The following PRIMPOL variants were observed in gnomAD, a reference collection of about 807,000 sequenced individuals.
PRIMPOL encodes DNA-directed primase/polymerase protein.
Under a neutral mutation model 63.6 loss-of-function variants are expected in PRIMPOL, and 54 were observed. The observed-to-expected ratio is 0.85, with a 90% CI of 0.68 to 1.07. The LOEUF (loss-of-function observed/expected upper bound fraction) is 1.07. PRIMPOL is among the 50% of genes least tolerant of loss of function. PRIMPOL has a pLI of 0.00. For synonymous variants in PRIMPOL, 197 were observed against 220.2 expected, an observed-to-expected ratio of 0.89 and a Z score of 0.93; for missense variants, 610 against 648.3, an observed-to-expected ratio of 0.94 and a Z score of 0.64.
At chr4:184,650,711 T>G (rs1412811518) in intron 1 of PRIMPOL, among the ~76,000 whole-genome samples, 1 of 152,200 alleles carries the variant, frequency 6.6e-6, no homozygotes, top group South Asian at 2.1e-4. Context: ...CCAACACATG[T>G]GAGCACGACA....
chr4:184,685,061 G>A (rs973415663), intron 9 of PRIMPOL, among the ~76,000 whole-genome samples: 3 of 152,100 alleles, frequency 2.0e-5, no homozygotes, highest in Admixed American at 1.3e-4. Context: ...GAGAATGCCC[G>A]GCTGAGGTAG....
chr4:184,678,990 AAAC>A lies in PRIMPOL; in HGVS notation c.1007+599_1007+601del, dbSNP rs201534473. Among the ~76,000 whole-genome samples the A allele has an allele frequency of 2.5e-3, 384 of 152,324 alleles. 9 individuals carry two copies. The South Asian group carries it at 0.041, about 16-fold the overall frequency. ...ATGATTATCACTTCTGTAAAGAAGA[AAAC>A]AATACTACTGGTATTGCATTTGGAA... On this transcript the variant is annotated intron_variant, in intron 8 of 13. Coordinates refer to ENST00000314970, the MANE Select transcript of PRIMPOL (RefSeq NM_152683.4).
chr4:184,674,702 A>T (rs893225608), intron 7 of PRIMPOL, among the ~76,000 whole-genome samples: 1 of 152,226 alleles, frequency 6.6e-6, no homozygotes, highest in Non-Finnish European at 1.5e-5. Flanking sequence ...TACGTATTAT[A>T]TACTGGATTC....
chr4:184,672,658 C>T (rs1433136002), intron 7 of PRIMPOL, among the ~76,000 whole-genome samples, 198 bp downstream of exon 7: 1 of 152,110 alleles, frequency 6.6e-6, no homozygotes, highest in African/African-American at 2.4e-5. Flanking sequence ...CCAGGCCGGC[C>T]TGAGCTCCAG....
intron 6 of PRIMPOL, among the ~76,000 whole-genome samples, chr4:184,669,342 T>C (rs1386550039): frequency 6.6e-6 from 1 of 152,238 alleles, no homozygotes; most frequent in Non-Finnish European, 1.5e-5. Context: ...GAGCTGTCTC[T>C]GACTCCAGCC....
intron 11 of PRIMPOL, among the ~76,000 whole-genome samples, chr4:184,687,089 G>A (rs1391997031): frequency 1.3e-5 from 2 of 151,552 alleles, no homozygotes; most frequent in Non-Finnish European, 2.9e-5. Context: ...TTTATTTTCT[G>A]AGATGGAATC....
At chr4:184,667,435 C>A (rs541791674) in intron 6 of PRIMPOL, among the ~76,000 whole-genome samples, 2 of 152,242 alleles carry the variant, frequency 1.3e-5, no homozygotes, top group Admixed American at 6.5e-5. Flanking sequence ...CTCAGCCTCC[C>A]GAGTAGCTGA....
intron 13 of PRIMPOL, among the ~76,000 whole-genome samples, chr4:184,693,300 G>T (rs78293992): frequency 0.038 from 5,709 of 152,202 alleles, 359 homozygotes; most frequent in African/African-American, 0.13. Context: ...AAGAGGAGGA[G>T]GATTGCATCG....
In PRIMPOL at chr4:184,678,389, T is replaced by C; in HGVS notation, c.1002T>C (p.Asn334=). 2 of 1,602,400 alleles carry C rather than the reference T, an allele frequency of 1.2e-6. No homozygotes were observed. The highest frequency in any genetic ancestry group is 1.1e-5 in the South Asian group (1 of 88,272). ...YQYFLSSLVS[N]VRFSDTLRIL... Reference sequence around the variant, plus strand: ...ATTTTCTCTCTTCTTTGGTCAGCAATGTCAGGTATGTAGTAGCAGCATCAA... The same window carrying C: ...ATTTTCTCTCTTCTTTGGTCAGCAACGTCAGGTATGTAGTAGCAGCATCAA... The change falls in exon 8 of 14, where the codon AAT becomes AAC. Residue 334 remains asparagine (N), a synonymous_variant. Coordinates refer to ENST00000314970, the MANE Select transcript of PRIMPOL (RefSeq NM_152683.4).
intron 8 of PRIMPOL, among the ~76,000 whole-genome samples, chr4:184,678,933 T>C (rs1333843435): frequency 2.6e-5 from 4 of 152,218 alleles, no homozygotes; most frequent in Non-Finnish European, 4.4e-5. Context: ...CTTTTTAGGA[T>C]TATATTTAGT....
At chr4:184,673,178 G>T (rs1387321624) in intron 7 of PRIMPOL, among the ~76,000 whole-genome samples, 4 of 148,586 alleles carry the variant, frequency 2.7e-5, no homozygotes, top group Non-Finnish European at 4.4e-5. Flanking sequence ...AGCCCAGGCC[G>T]GACTGCAGTG....
chr4:184,665,770 G>A, intron 5 of PRIMPOL, 147 bp from the exon 6 acceptor site: 1 of 458,652 alleles, frequency 2.2e-6, no homozygotes, highest in African/African-American at 2.0e-5. Context: ...CTCCCAAAGT[G>A]CTGGGATTAC....
At chr4:184,651,456 A>T (rs1193177637) in intron 1 of PRIMPOL, among the ~76,000 whole-genome samples, 6 of 152,168 alleles carry the variant, frequency 3.9e-5, no homozygotes, top group African/African-American at 1.4e-4. Context: ...AAAACTGAGA[A>T]ATAGGACCCA....
chr4:184,684,515 T>C (rs560187210), intron 9 of PRIMPOL, among the ~76,000 whole-genome samples: 1 of 152,040 alleles, frequency 6.6e-6, no homozygotes. Flanking sequence ...CTACAGTAGC[T>C]TTTTAGATAG....
chr4:184,675,206 A>G (rs1752967061), intron 7 of PRIMPOL, among the ~76,000 whole-genome samples: 1 of 152,198 alleles, frequency 6.6e-6, no homozygotes, highest in Non-Finnish European at 1.5e-5. Flanking sequence ...TACTATGGTT[A>G]ATCTTATGCA....
chr4:184,661,716 C>CA, intron 4 of PRIMPOL, 58 bp from the exon 5 acceptor site: 1 of 1,185,064 alleles, frequency 8.4e-7, no homozygotes, highest in Non-Finnish European at 1.2e-6. Context: ...GTCAGTCAAT[C>CA]AATCAATCAA....
intron 13 of PRIMPOL, 79 bp from the exon 14 acceptor site, chr4:184,694,443 T>TAGAGTATAA: frequency 1.3e-6 from 2 of 1,507,684 alleles, no homozygotes; most frequent in Non-Finnish European, 1.8e-6. Flanking sequence ...TACTTCAACA[T>TAGAGTATAA]AGAGTATAAG....
chr4:184,691,111 A>T (rs1249239293), intron 11 of PRIMPOL, among the ~76,000 whole-genome samples: 1 of 150,098 alleles, frequency 6.7e-6, no homozygotes, highest in East Asian at 1.9e-4. Flanking sequence ...TCCTTATTGG[A>T]CCTTTTTTGT....
chr4:184,658,323 TACTG>T (rs910554320), intron 3 of PRIMPOL, among the ~76,000 whole-genome samples: 5 of 152,286 alleles, frequency 3.3e-5, no homozygotes, highest in South Asian at 2.1e-4. Context: ...GAAATTAAAA[TACTG>T]ACAGATTCAT....
Sources: allele counts gnomAD v4.1 joint callset (sites outside exome capture counted in the v4.1 genomes callset), GRCh38; gene constraint gnomAD v4.1.1; transcripts MANE v1.5; gene names NCBI Gene and HGNC (gene_info 2026-07-23, HGNC 2026-07-21).